Variants in USP46 observed in about 807,000 individuals in gnomAD.
The protein encoded by USP46 is ubiquitin carboxyl-terminal hydrolase 46.
Under a neutral mutation model 44.4 loss-of-function variants are expected in USP46, and 12 were observed. The ratio of observed to expected loss-of-function variants is 0.27; its 90% CI spans 0.17 to 0.44. The LOEUF (loss-of-function observed/expected upper bound fraction) is 0.44. Ranked by LOEUF, USP46 falls within the 20% of genes least tolerant of loss-of-function variation. USP46 has a pLI of 1.00. For synonymous variants in USP46, 155 were observed against 161.5 expected (o/e 0.96, Z 0.31); for missense variants, 248 against 444.8 (o/e 0.56, Z 3.98).
chr4:52,597,587 T>G lies in USP46; in HGVS notation c.*53A>C. On this transcript the variant is annotated 3_prime_UTR_variant, in exon 9 of 9. Transcript: ENST00000441222. Reference sequence around the variant, plus strand: ...GAGGAAAGCCTGCGGAGAAGCCGGGTGACAGTGCTGTGAACATTCTCCCCA... The same window carrying G: ...GAGGAAAGCCTGCGGAGAAGCCGGGGGACAGTGCTGTGAACATTCTCCCCA... The G allele has an allele frequency of 7.8e-7, 1 of 1,280,604 alleles. No individual in the cohort carries two copies. The highest frequency in any genetic ancestry group is 1.1e-6 in the Non-Finnish European group (1 of 906,746). 79.3% of individuals were successfully genotyped at this position (1,280,604 alleles called of 1,614,324 possible).
At chr4:52,648,035 C>A (rs1276321369) in intron 1 of USP46, among the ~76,000 whole-genome samples, 1 of 152,230 alleles carries the variant, frequency 6.6e-6, no homozygotes, top group East Asian at 1.9e-4. Context: ...TTAAGCCCCA[C>A]AATGACCCAG....
At position 52,659,182 on chromosome 4, in the gene USP46, C is replaced by T; in HGVS notation, c.-32G>A. On this transcript the variant is annotated 5_prime_UTR_variant, in exon 1 of 9. It removes an upstream start codon present in the reference 5' UTR. Transcript: ENST00000441222. The surrounding 1 kb of genome is among the most constrained non-coding windows in gnomAD (Gnocchi z 4.2). Reference sequence around the variant, plus strand: ...AAAGGTTGCAGCGATCCCTCACCGCCATCTTTACAAGGGGAAACCGGGACT... The same window carrying T: ...AAAGGTTGCAGCGATCCCTCACCGCTATCTTTACAAGGGGAAACCGGGACT... 6.5e-7 allele frequency: 1 copy of T among 1,539,512 alleles called. No individual in the cohort carries two copies. The highest frequency in any genetic ancestry group is 8.7e-7 in the Non-Finnish European group (1 of 1,142,876).
chr4:52,653,449 G>A (rs1472608548), intron 1 of USP46, among the ~76,000 whole-genome samples: 3 of 132,130 alleles, frequency 2.3e-5, no homozygotes, highest in African/African-American at 8.8e-5. Context: ...AGGTTGCAGT[G>A]AAGCCATCGC....
At chr4:52,621,550 A>AGAGGCTGAGACAGGAGAATTGCTT (rs1717376522) in intron 4 of USP46, among the ~76,000 whole-genome samples, 1 of 152,022 alleles carries the variant, frequency 6.6e-6, no homozygotes, top group African/African-American at 2.4e-5. Context: ...AGGCTACTCC[A>AGAGGCTGAGACAGGAGAATTGCTT]GAGGCTGAGA....
chr4:52,632,904 GAGAAAGAA>G (rs1309590954), intron 1 of USP46, among the ~76,000 whole-genome samples: 2 of 86,942 alleles, frequency 2.3e-5, no homozygotes, highest in Admixed American at 1.4e-4. Flanking sequence ...GGAAGGGAAA[GAGAAAGAA>G]AGAAAGAGAA....
intron 1 of USP46, chr4:52,658,272 G>A (rs1327758671): frequency 1.3e-5 from 6 of 456,136 alleles, no homozygotes; most frequent in Admixed American, 1.2e-4. Context: ...CCAAGGGCTG[G>A]AGGTTCTTCC....
chr4:52,636,476 G>C (rs963198187), intron 1 of USP46, among the ~76,000 whole-genome samples: 1 of 152,038 alleles, frequency 6.6e-6, no homozygotes, highest in Non-Finnish European at 1.5e-5. Context: ...GGGAGGCCAA[G>C]GCAGGCAGAT....
Position 52,659,007 on chromosome 4 carries a change from C to T in USP46, c.36+108G>A, listed in dbSNP as rs1035551375. 4.4e-6 allele frequency: 6 copies of T among 1,356,188 alleles called. No homozygotes were observed. Among genetic ancestry groups the T allele is most frequent in the Non-Finnish European group, 5.8e-6 (6 of 1,026,762 alleles). The allele number at this position is 1,356,188 out of a possible 1,614,324, so 84.0% of individuals were successfully genotyped here. Reference sequence around the variant, plus strand: ...GGCCGGGAACTTCTGGCGGCGCGGACCCCGCCGCCCCCGCCGCCCCAGCCA... The same window carrying T: ...GGCCGGGAACTTCTGGCGGCGCGGATCCCGCCGCCCCCGCCGCCCCAGCCA... On this transcript the variant is annotated intron_variant, in intron 1 of 8. Transcript: ENST00000441222. The surrounding 1 kb of genome is among the most constrained non-coding windows in gnomAD (Gnocchi z 4.2).
At chr4:52,597,815 A>AAT (rs1379429933) in intron 8 of USP46, 74 bp from the exon 9 acceptor site, 12 of 1,062,756 alleles carry the variant, frequency 1.1e-5, no homozygotes, top group Admixed American at 5.9e-5. Context: ...AAACTAATGG[A>AAT]ATATATATTA....
intron 5 of USP46, 58 bp from the exon 6 acceptor site, chr4:52,604,642 G>GT: frequency 8.5e-7 from 1 of 1,182,096 alleles, no homozygotes; most frequent in South Asian, 1.5e-5. Context: ...GGTATACTAT[G>GT]TTTTAAATCC....
At chr4:52,628,507 G>A (rs1299670211) in intron 2 of USP46, 2 of 205,740 alleles carry the variant, frequency 9.7e-6, no homozygotes, top group Non-Finnish European at 2.0e-5. Context: ...ATACTGTGGA[G>A]ACCCAGGAAA....
chr4:52,605,804 C>T (rs891130187), intron 5 of USP46, among the ~76,000 whole-genome samples: 1 of 152,192 alleles, frequency 6.6e-6, no homozygotes, highest in African/African-American at 2.4e-5. Context: ...ACCCTGCCTC[C>T]TTCTCTCTGC....
chr4:52,631,229 C>T, intron 1 of USP46, 85 bp from the exon 2 acceptor site: 1 of 1,016,582 alleles, frequency 9.8e-7, no homozygotes, highest in Non-Finnish European at 1.5e-6. Context: ...ACTATTGAGA[C>T]AAGCATCTTC....
In USP46 at chr4:52,659,003, C is replaced by T; in HGVS notation, c.36+112G>A. The T allele has an allele frequency of 4.5e-6, 6 of 1,328,692 alleles. No individual in the cohort carries two copies. Among genetic ancestry groups the T allele is most frequent in the South Asian group, 3.2e-5 (2 of 63,024 alleles). The allele number at this position is 1,328,692 out of a possible 1,614,324, so 82.3% of individuals were successfully genotyped here. On this transcript the variant is annotated intron_variant, in intron 1 of 8. Transcript: ENST00000441222. The surrounding 1 kb of genome is among the most constrained non-coding windows in gnomAD (Gnocchi z 4.2). ...CGGGGGCCGGGAACTTCTGGCGGCG[C>T]GGACCCCGCCGCCCCCGCCGCCCCA...
intron 3 of USP46, among the ~76,000 whole-genome samples, chr4:52,627,560 CTTA>C (rs1717642025): frequency 6.6e-6 from 1 of 152,182 alleles, no homozygotes; most frequent in Non-Finnish European, 1.5e-5. Flanking sequence ...ATAACAGGCA[CTTA>C]TTTTAATCAC....
rs150744201 is a variant in USP46 at position 52,608,733 on chromosome 4, G to T, written c.638+1808C>A. ...GGCATTGTTGTTCTTAAATCTTCCC[G>T]GGTGATTCCAATGTGCTGCCAGGGC... On this transcript the variant is annotated intron_variant, in intron 5 of 8. Coordinates refer to ENST00000441222, the MANE Select transcript of USP46 (RefSeq NM_022832.4). Among the ~76,000 whole-genome samples, 155 of 152,254 alleles carry T rather than the reference G, an allele frequency of 1.0e-3. 2 individuals are homozygous for T. The highest frequency in any genetic ancestry group is 3.6e-3 in the African/African-American group (148 of 41,548).
chr4:52,616,530 AC>A (rs1464350608), intron 4 of USP46, among the ~76,000 whole-genome samples: 1 of 152,036 alleles, frequency 6.6e-6, no homozygotes, highest in Non-Finnish European at 1.5e-5. Context: ...GGGCCACCAC[AC>A]CCGTCTAATT....
chr4:52,614,767 T>G (rs2109613488), intron 4 of USP46, among the ~76,000 whole-genome samples: 1 of 152,342 alleles, frequency 6.6e-6, no homozygotes, highest in African/African-American at 2.4e-5. Flanking sequence ...TGTATAATAT[T>G]CACACCTCTT....
At chr4:52,626,561 G>A (rs928764874) in intron 3 of USP46, among the ~76,000 whole-genome samples, 1 of 152,110 alleles carries the variant, frequency 6.6e-6, no homozygotes, top group African/African-American at 2.4e-5. Context: ...TTGACCTTGT[G>A]ATTTGCCCAC....
Sources: allele counts gnomAD v4.1 joint callset (sites outside exome capture counted in the v4.1 genomes callset), GRCh38; gene constraint gnomAD v4.1.1; non-coding constraint Gnocchi (gnomAD v3.1); transcripts MANE v1.5; gene names NCBI Gene and HGNC (gene_info 2026-07-23, HGNC 2026-07-21).